Variants in LOXL2 observed in about 807,000 individuals in gnomAD.
LOXL2 encodes lysyl oxidase homolog 2.
Under a neutral mutation model 93.0 loss-of-function variants are expected in LOXL2, and 70 were observed. That is an observed-to-expected ratio of 0.75 (90% CI 0.62 to 0.92). The LOEUF is 0.92. Among genes scored for constraint, LOXL2 ranks in the 40% least tolerant of loss-of-function variants. The pLI is 0.00. For missense variants in LOXL2, 973 were observed against 1,054.9 expected, an observed-to-expected ratio of 0.92 and a Z score of 1.08; for synonymous variants, 438 against 413.2, an observed-to-expected ratio of 1.06 and a Z score of -0.73.
At chr8:23,310,045 G>A (rs536312869) in intron 9 of LOXL2, 134 bp from the exon 10 acceptor site, 1 of 966,868 alleles carries the variant, frequency 1.0e-6, no homozygotes, top group Non-Finnish European at 1.4e-6. Context: ...GCTCCTCAAG[G>A]TTACCTTCTT....
intron 9 of LOXL2, among the ~76,000 whole-genome samples, chr8:23,313,176 G>A (rs1362256921): frequency 6.6e-6 from 1 of 152,158 alleles, no homozygotes; most frequent in Non-Finnish European, 1.5e-5. Context: ...AACATTCCAT[G>A]CTCATGGATA....
rs530869909 is a variant in LOXL2, at chr8:23,354,610, T to G, written c.531+5480A>C. Among the ~76,000 whole-genome samples, 187 of 143,726 alleles carry G rather than the reference T, an allele frequency of 1.3e-3. 1 individual carries two copies. In the East Asian group the frequency reaches 0.023, roughly 18 times the overall value. 94.3% of individuals were successfully genotyped at this position (143,726 alleles called of 152,430 possible). A position where few individuals can be genotyped will look rare whatever the true frequency, so the allele number is the denominator to read the frequency against. ...TCTCTGTGTGTGTGTGTGTGTGTTC[T>G]CACACACATGTGATGCCAGTTTACA... On this transcript the variant is annotated intron_variant, in intron 3 of 13. Transcript: ENST00000389131.
intron 1 of LOXL2, among the ~76,000 whole-genome samples, chr8:23,396,355 A>AAAC (rs1800089392): frequency 1.4e-5 from 2 of 147,904 alleles, no homozygotes; most frequent in African/African-American, 5.2e-5. Context: ...AACAAACAAA[A>AAAC]AAACGAGAGA....
At chr8:23,383,411 C>T (rs1192726164) in intron 1 of LOXL2, among the ~76,000 whole-genome samples, 1 of 152,072 alleles carries the variant, frequency 6.6e-6, no homozygotes, top group Non-Finnish European at 1.5e-5. Context: ...TGCTTCTTTC[C>T]TTCCTTTGAA....
intron 7 of LOXL2, among the ~76,000 whole-genome samples, chr8:23,321,399 C>T (rs954486309): frequency 1.3e-4 from 20 of 152,180 alleles, no homozygotes; most frequent in Admixed American, 8.5e-4. Context: ...AAGACTGGAG[C>T]GCACAGTGTA....
intron 5 of LOXL2, among the ~76,000 whole-genome samples, chr8:23,330,783 C>T (rs1803662054): frequency 7.3e-6 from 1 of 137,800 alleles, no homozygotes; most frequent in Admixed American, 8.1e-5. Flanking sequence ...AAATCATACA[C>T]AGGGGGCAAG....
Position 23,326,711 on chromosome 8 carries a change from G to A in LOXL2, c.1150+1671C>T, listed in dbSNP as rs115020545. Among the ~76,000 whole-genome samples, 287 of 152,298 alleles carry A rather than the reference G, an allele frequency of 1.9e-3. 3 individuals are homozygous for A. Among genetic ancestry groups the A allele is most frequent in the African/African-American group, 5.8e-3 (242 of 41,564 alleles). ...AGAGGTTGCAGTGAGCCGAGATCGC[G>A]CCACTGTGCTGGGTGACTGAGTGAG... is the stretch of plus-strand genomic sequence containing the variant. On this transcript the variant is annotated intron_variant, in intron 6 of 13. Coordinates refer to ENST00000389131, the MANE Select transcript of LOXL2 (RefSeq NM_002318.3).
In LOXL2 at chr8:23,298,895, A is replaced by T. The variant is rs1391873833; in HGVS notation, c.2186T>A (p.Ile729Asn). 2.5e-6 allele frequency: 4 copies of T among 1,613,886 alleles called. No individual in the cohort carries two copies. The highest frequency in any genetic ancestry group is 1.3e-5 in the African/African-American group (1 of 74,900). ...GTCATAGCGGCTCCTGCATTTCATGATGTTGTTGGAGTAATCGGATTCTGC... is the reference window on the plus strand; with the variant it reads ...GTCATAGCGGCTCCTGCATTTCATGTTGTTGTTGGAGTAATCGGATTCTGC... ...EVAESDYSNN[I>N]MKCRSRYDGH... The change falls in exon 13 of 14, where the codon ATC (isoleucine) becomes AAC (asparagine). Residue 729 changes from isoleucine to asparagine, a missense_variant. Physicochemically the swap from Ile to Asn is moderately radical, Grantham distance 149. Transcript: ENST00000389131.
At chr8:23,350,615 T>G (rs376045726) in intron 3 of LOXL2, among the ~76,000 whole-genome samples, 17 of 152,318 alleles carry the variant, frequency 1.1e-4, no homozygotes, top group East Asian at 9.6e-4. Context: ...CTGTGACTTC[T>G]TGATGGAAGA....
chr8:23,328,935 G>A (rs549462236), intron 5 of LOXL2: 1 of 206,966 alleles, frequency 4.8e-6, no homozygotes, highest in South Asian at 1.0e-4. Flanking sequence ...ACCAACTCCA[G>A]AGCCTCATGC....
chr8:23,339,504 C>G (rs74683574), intron 4 of LOXL2, among the ~76,000 whole-genome samples: 1 of 152,160 alleles, frequency 6.6e-6, no homozygotes. Flanking sequence ...CCTCAAAAGC[C>G]GAGAAGGACT....
At chr8:23,324,253 C>T (rs906004141) in intron 6 of LOXL2, among the ~76,000 whole-genome samples, 16 of 152,196 alleles carry the variant, frequency 1.1e-4, no homozygotes, top group Non-Finnish European at 1.0e-4. Flanking sequence ...CTGTCTCAGC[C>T]ATCTGGGGTC....
rs60339149 is a variant in LOXL2, at chr8:23,334,050, C to CTT, written c.744-429_744-428dup. Among the ~76,000 whole-genome samples, 1,265 of 150,646 alleles carry CTT rather than the reference C, an allele frequency of 8.4e-3. 75 individuals are homozygous for CTT. The East Asian group carries it at 0.16, about 19-fold the overall frequency. On this transcript the variant is annotated intron_variant, in intron 4 of 13. Coordinates refer to ENST00000389131, the MANE Select transcript of LOXL2 (RefSeq NM_002318.3). ...AATTCCAACAAAATTTGTTGTCATT[C>CTT]TTTTTTTTTTCTGAGACAGAGTCTC...
chr8:23,354,949 AT>A (rs60819350), intron 3 of LOXL2, among the ~76,000 whole-genome samples: 4,978 of 77,174 alleles, frequency 0.065, 333 homozygotes, highest in African/African-American at 0.16. Flanking sequence ...ATATATATAT[AT>A]TTTTTTTTTT....
chr8:23,335,809 T>G (rs1426824401), intron 4 of LOXL2, among the ~76,000 whole-genome samples: 1 of 152,000 alleles, frequency 6.6e-6, no homozygotes, highest in Non-Finnish European at 1.5e-5. Context: ...GTGAATGGGG[T>G]GTGAAGACAG....
chr8:23,358,000 T>C (rs1001522310), intron 3 of LOXL2, among the ~76,000 whole-genome samples: 2 of 152,234 alleles, frequency 1.3e-5, no homozygotes, highest in African/African-American at 2.4e-5. Context: ...ACATAAGATA[T>C]AGCCCCTGCC....
chr8:23,324,920 C>T (rs1803552075), intron 6 of LOXL2, among the ~76,000 whole-genome samples: 1 of 152,236 alleles, frequency 6.6e-6, no homozygotes, highest in Admixed American at 6.5e-5. Flanking sequence ...TTACATGTCA[C>T]ATGCATTCCT....
intron 3 of LOXL2, among the ~76,000 whole-genome samples, chr8:23,348,688 T>A (rs7462561): frequency 0.29 from 43,964 of 151,816 alleles, 8,220 homozygotes; most frequent in African/African-American, 0.53. Context: ...CCATCCCTGC[T>A]ACCACGGTGA....
At chr8:23,331,221 G>T (rs909183128) in intron 5 of LOXL2, among the ~76,000 whole-genome samples, 1 of 152,154 alleles carries the variant, frequency 6.6e-6, no homozygotes, top group Non-Finnish European at 1.5e-5. Flanking sequence ...GGGGACAGGA[G>T]AGGAGCCAAA....
Sources: gnomAD v4.1 joint callset for allele counts (sites outside exome capture counted in the v4.1 genomes callset) on GRCh38, gnomAD v4.1.1 for gene constraint, MANE v1.5 for transcripts, NCBI Gene and HGNC (gene_info 2026-07-23, HGNC 2026-07-21) for gene names.